CNTNAP5: variants seen among roughly 807,000 people sequenced by gnomAD.
CNTNAP5 encodes the protein contactin-associated protein-like 5.
CNTNAP5 carries 72 observed loss-of-function variants against 150.2 expected under a neutral mutation model. That is an observed-to-expected ratio of 0.48 (90% CI 0.40 to 0.58). The LOEUF is 0.58. CNTNAP5 is among the 20% of genes least tolerant of loss of function. CNTNAP5 has a pLI of 0.00. For missense variants in CNTNAP5, 1,636 were observed against 1,626.2 expected (o/e 1.01, Z -0.10); for synonymous variants, 672 against 619.8 (o/e 1.08, Z -1.25).
chr2:124,297,848 T>TATTATG (rs1688479754), intron 3 of CNTNAP5, among the ~76,000 whole-genome samples: 1 of 145,126 alleles, frequency 6.9e-6, no homozygotes, highest in Non-Finnish European at 1.5e-5. Flanking sequence ...TTATTATTAT[T>TATTATG]ATTATTATTA....
chr2:124,798,869 G>A (rs1482408986), intron 19 of CNTNAP5, among the ~76,000 whole-genome samples: 3 of 151,804 alleles, frequency 2.0e-5, no homozygotes, highest in Admixed American at 6.6e-5. Context: ...GACAAATTGT[G>A]GCATTTGCTA....
intron 13 of CNTNAP5, among the ~76,000 whole-genome samples, chr2:124,734,905 G>A (rs1339526494): frequency 6.6e-6 from 1 of 152,164 alleles, no homozygotes; most frequent in Non-Finnish European, 1.5e-5. Flanking sequence ...CTTGTAATTA[G>A]TGATTCTAAA....
chr2:124,415,364 T>C (rs953224990), intron 3 of CNTNAP5, among the ~76,000 whole-genome samples: 1 of 152,214 alleles, frequency 6.6e-6, no homozygotes, highest in African/African-American at 2.4e-5. Flanking sequence ...TGATACATGA[T>C]AGTAATTACA....
intron 3 of CNTNAP5, among the ~76,000 whole-genome samples, chr2:124,350,092 C>G (rs1689840132): frequency 2.0e-5 from 3 of 151,918 alleles, no homozygotes; most frequent in Non-Finnish European, 4.4e-5. Flanking sequence ...CCATTTTGAC[C>G]AGGATGGTCT....
chr2:124,218,968 G>A (rs1573845155), intron 1 of CNTNAP5, among the ~76,000 whole-genome samples: 1 of 152,104 alleles, frequency 6.6e-6, no homozygotes, highest in East Asian at 1.9e-4. Context: ...TTGCCTCTCT[G>A]AGAATATGCA....
At chr2:124,421,034 T>G (rs1361883563) in intron 4 of CNTNAP5, among the ~76,000 whole-genome samples, 1 of 152,224 alleles carries the variant, frequency 6.6e-6, no homozygotes, top group Non-Finnish European at 1.5e-5. Context: ...ATGTCCATAT[T>G]TTTAAAACCT....
chr2:124,895,589 C>T (rs1398624701), intron 21 of CNTNAP5, among the ~76,000 whole-genome samples: 1 of 151,536 alleles, frequency 6.6e-6, no homozygotes, highest in Non-Finnish European at 1.5e-5. Context: ...CTTACCATTT[C>T]ACTTCAGCCT....
At chr2:124,241,050 G>C (rs1165301816) in intron 2 of CNTNAP5, among the ~76,000 whole-genome samples, 1 of 152,170 alleles carries the variant, frequency 6.6e-6, no homozygotes, top group Non-Finnish European at 1.5e-5. Context: ...GATGTCCTGA[G>C]TTGCTTCTAT....
At chr2:124,456,233 TC>T (rs1693116427) in intron 6 of CNTNAP5, among the ~76,000 whole-genome samples, 1 of 152,166 alleles carries the variant, frequency 6.6e-6, no homozygotes, top group Admixed American at 6.6e-5. Context: ...GATAAAAAAA[TC>T]AATGTAGCTC....
At chr2:124,876,798 C>T (rs758673609) in intron 21 of CNTNAP5, among the ~76,000 whole-genome samples, 7 of 151,900 alleles carry the variant, frequency 4.6e-5, no homozygotes, top group Non-Finnish European at 8.8e-5. Flanking sequence ...TGTGTAATTG[C>T]TTTATATTTT....
Position 124,609,886 on chromosome 2 carries a change from A to C in CNTNAP5, c.1842A>C (p.Pro614=). The C allele has an allele frequency of 2.5e-6, 4 of 1,613,960 alleles. No individual in the cohort carries two copies. Among genetic ancestry groups the C allele is most frequent in the Non-Finnish European group, 3.4e-6 (4 of 1,179,850 alleles). ...ACATCGACTCAGATGGCAGCGGCCC[A>C]CTGGGACCTCTCCAGGTGTACTGCA... The part of the protein sequence containing the change: ...FFYIDSDGSG[P]LGPLQVYCNI... The change falls in exon 12 of 24, where the codon CCA becomes CCC. Residue 614 remains proline, a synonymous_variant. Coordinates refer to ENST00000682447, the MANE Select transcript of CNTNAP5 (RefSeq NM_001367498.1).
chr2:124,507,600 C>T (rs1451860138), intron 8 of CNTNAP5, among the ~76,000 whole-genome samples: 1 of 152,124 alleles, frequency 6.6e-6, no homozygotes, highest in African/African-American at 2.4e-5. Context: ...ATACAGGTAT[C>T]AGCCCTTAGA....
At chr2:124,379,456 C>T (rs1295107424) in intron 3 of CNTNAP5, among the ~76,000 whole-genome samples, 2 of 152,112 alleles carry the variant, frequency 1.3e-5, no homozygotes, top group Non-Finnish European at 2.9e-5. Context: ...TATACATTTA[C>T]ATTTCCTCCA....
At chr2:124,118,878 G>A (rs1289634027) in intron 1 of CNTNAP5, among the ~76,000 whole-genome samples, 1 of 152,160 alleles carries the variant, frequency 6.6e-6, no homozygotes, top group Non-Finnish European at 1.5e-5. Context: ...CAGAATCATA[G>A]ATCTAGTAAA....
chr2:124,625,815 C>T (rs1156604679), intron 12 of CNTNAP5, among the ~76,000 whole-genome samples: 1 of 152,190 alleles, frequency 6.6e-6, no homozygotes, highest in African/African-American at 2.4e-5. Flanking sequence ...ACACAAAGGA[C>T]CTCACACTGT....
Position 124,367,163 on chromosome 2 carries a change from G to A in CNTNAP5, c.382-50280G>A, listed in dbSNP as rs538688589. Among the ~76,000 whole-genome samples, 21 of 152,300 alleles carry A rather than the reference G, an allele frequency of 1.4e-4. 1 individual carries two copies. The highest frequency in any genetic ancestry group is 2.6e-4 in the Admixed American group (4 of 15,290). The stretch of plus-strand genomic sequence containing the variant: ...TTTCAGTTTGGGACTGTTGCTTGAC[G>A]AACAGAGACAAGCATTTGAAATGGT... On this transcript the variant is annotated intron_variant, in intron 3 of 23. Coordinates refer to ENST00000682447, the MANE Select transcript of CNTNAP5 (RefSeq NM_001367498.1).
intron 13 of CNTNAP5, among the ~76,000 whole-genome samples, chr2:124,668,864 G>A (rs1678752628): frequency 6.6e-6 from 1 of 152,122 alleles, no homozygotes; most frequent in African/African-American, 2.4e-5. Context: ...AAGGAATGAG[G>A]GAAGGTTAGG....
intron 3 of CNTNAP5, among the ~76,000 whole-genome samples, chr2:124,410,809 A>G (rs1318644696): frequency 8.0e-5 from 12 of 150,228 alleles, no homozygotes; most frequent in South Asian, 2.1e-4. Context: ...CTAACATCAC[A>G]ATTAAAAGAA....
chr2:124,693,216 A>T (rs112155539), intron 13 of CNTNAP5, among the ~76,000 whole-genome samples: 12 of 152,230 alleles, frequency 7.9e-5, no homozygotes, highest in African/African-American at 2.9e-4. Flanking sequence ...GTGGACAAAA[A>T]TGGAAACATA....
Sources: allele counts gnomAD v4.1 joint callset (sites outside exome capture counted in the v4.1 genomes callset), GRCh38; gene constraint gnomAD v4.1.1; transcripts MANE v1.5; gene names NCBI Gene and HGNC (gene_info 2026-07-23, HGNC 2026-07-21).